Variants in DNM3 observed in about 807,000 individuals in gnomAD.
DNM3 encodes the protein dynamin 3.
In DNM3, 47 loss-of-function variants were observed where a neutral mutation model predicts 101.6. The ratio of observed to expected loss-of-function variants is 0.46; its 90% CI spans 0.37 to 0.59. The LOEUF is 0.59. Ranked by LOEUF, DNM3 falls within the 20% of genes least tolerant of loss-of-function variation. DNM3 has a pLI of 0.00. For missense variants in DNM3, 849 were observed against 1,085.7 expected, an observed-to-expected ratio of 0.78 and a Z score of 3.06; for synonymous variants, 385 against 387.9, an observed-to-expected ratio of 0.99 and a Z score of 0.09.
At chr1:172,295,359 T>C (rs535029959) in intron 15 of DNM3, among the ~76,000 whole-genome samples, 252 of 152,308 alleles carry the variant, frequency 1.7e-3, no homozygotes, top group African/African-American at 5.6e-3. Flanking sequence ...ATCTAATAAA[T>C]GCTTAAATAT....
At chr1:171,959,936 G>C (rs750381369) in intron 2 of DNM3, among the ~76,000 whole-genome samples, 2 of 152,130 alleles carry the variant, frequency 1.3e-5, no homozygotes, top group Non-Finnish European at 2.9e-5. Context: ...GGAGGGGGTA[G>C]AGGAATCTTT....
chr1:172,380,992 A>C (rs1394276615), intron 18 of DNM3: 1 of 151,662 alleles, frequency 6.6e-6, no homozygotes, highest in South Asian at 2.1e-4. Context: ...AAAAAAAAAA[A>C]AAACAAAAAA....
rs534024029 is a variant in DNM3 at position 172,389,597 on chromosome 1, T to C, written c.2522+788T>C. On this transcript the variant is annotated intron_variant, in intron 20 of 20. Transcript: ENST00000627582. ...AAGGTATAAAGTACTAAGGTTTTTT[T>C]CCCCCTCAAAATCAGAAATATAAAG... Among the ~76,000 whole-genome samples, 4 of 152,148 alleles carry C rather than the reference T, an allele frequency of 2.6e-5. No homozygotes were observed. In the East Asian group the frequency reaches 7.7e-4, roughly 29 times the overall value.
intron 2 of DNM3, among the ~76,000 whole-genome samples, chr1:171,950,032 A>T (rs1200549158): frequency 1.3e-5 from 2 of 152,196 alleles, no homozygotes; most frequent in East Asian, 3.8e-4. Flanking sequence ...CGAATGGACA[A>T]ACATATTGTG....
At chr1:172,057,719 G>C (rs536589096) in intron 10 of DNM3, among the ~76,000 whole-genome samples, 1 of 151,532 alleles carries the variant, frequency 6.6e-6, no homozygotes. Context: ...AGGAACAACC[G>C]GTACCAGCCG....
chr1:172,023,474 A>C (rs548519957), intron 4 of DNM3, among the ~76,000 whole-genome samples: 9 of 152,270 alleles, frequency 5.9e-5, no homozygotes, highest in African/African-American at 2.2e-4. Context: ...TTTCAAAAAC[A>C]TTGCTCTATT....
rs181290868 is a variant in DNM3 at position 172,141,398 on chromosome 1, G to A, written c.1659+10110G>A. On this transcript the variant is annotated intron_variant, in intron 14 of 20. Coordinates refer to ENST00000627582, the MANE Select transcript of DNM3 (RefSeq NM_015569.5). ...AGGATTTCTGAGTGATGGTCTCTTA[G>A]TTATTATTTTGACGTTATTGTGATG... is the stretch of plus-strand genomic sequence containing the variant. 2.2e-3 allele frequency among the ~76,000 whole-genome samples: 337 copies of A among 152,140 alleles called. 5 individuals are homozygous for A. Among genetic ancestry groups the A allele is most frequent in the Non-Finnish European group, 2.3e-3 (155 of 67,938 alleles).
At chr1:172,004,682 A>C (rs1313383073) in intron 4 of DNM3, among the ~76,000 whole-genome samples, 1 of 151,976 alleles carries the variant, frequency 6.6e-6, no homozygotes, top group African/African-American at 2.4e-5. Context: ...GGAGTAAGAA[A>C]AATTCTTTAA....
intron 1 of DNM3, among the ~76,000 whole-genome samples, chr1:171,907,908 A>G (rs1051977460): frequency 6.6e-6 from 1 of 152,236 alleles, no homozygotes; most frequent in Admixed American, 6.5e-5. Context: ...ATTGGAATAT[A>G]TCTAAAACAC....
At chr1:171,967,675 C>A (rs994098285) in intron 2 of DNM3, among the ~76,000 whole-genome samples, 1 of 152,148 alleles carries the variant, frequency 6.6e-6, no homozygotes, top group Non-Finnish European at 1.5e-5. Flanking sequence ...AGTCACTATG[C>A]CCAGACAGAC....
intron 1 of DNM3, among the ~76,000 whole-genome samples, chr1:171,883,618 C>T (rs1460563246): frequency 6.6e-6 from 1 of 151,914 alleles, no homozygotes; most frequent in Non-Finnish European, 1.5e-5. Context: ...ATTACAGGCA[C>T]ACACCACCAC....
intron 14 of DNM3, among the ~76,000 whole-genome samples, chr1:172,182,989 C>CA (rs918523694): frequency 6.6e-6 from 1 of 151,662 alleles, no homozygotes; most frequent in East Asian, 1.9e-4. Flanking sequence ...TAGTTTCTAT[C>CA]AAAAAAAATT....
chr1:172,239,516 A>G (rs1396075096), intron 14 of DNM3, among the ~76,000 whole-genome samples: 1 of 152,146 alleles, frequency 6.6e-6, no homozygotes, highest in Non-Finnish European at 1.5e-5. Flanking sequence ...GAAGGTTCAC[A>G]TAGCTAGTGT....
intron 10 of DNM3, among the ~76,000 whole-genome samples, chr1:172,052,965 A>G (rs894455950): frequency 5.9e-5 from 9 of 152,130 alleles, no homozygotes; most frequent in African/African-American, 2.2e-4. Context: ...TTAAGCCTGA[A>G]TTATTCCAGT....
chr1:172,260,434 G>A (rs756239207), intron 15 of DNM3, among the ~76,000 whole-genome samples: 4 of 150,994 alleles, frequency 2.6e-5, no homozygotes, highest in South Asian at 2.1e-4. Flanking sequence ...ATTTTTTTTC[G>A]TTGTTTCTTG....
chr1:172,085,466 C>G (rs192203551), intron 12 of DNM3, among the ~76,000 whole-genome samples: 1 of 152,132 alleles, frequency 6.6e-6, no homozygotes, highest in African/African-American at 2.4e-5. Context: ...ACACAATTTG[C>G]TTTCTGAGTT....
intron 13 of DNM3, among the ~76,000 whole-genome samples, chr1:172,103,204 A>T (rs902514420): frequency 6.6e-6 from 1 of 152,180 alleles, no homozygotes; most frequent in Non-Finnish European, 1.5e-5. Flanking sequence ...ACATGGGTAC[A>T]CACCCACCCA....
chr1:172,246,539 G>A (rs1159406073), intron 14 of DNM3, among the ~76,000 whole-genome samples: 1 of 152,154 alleles, frequency 6.6e-6, no homozygotes, highest in African/African-American at 2.4e-5. Flanking sequence ...AAGCAGAGTG[G>A]CAAATAGGCA....
chr1:172,030,599 C>T (rs577131715), intron 4 of DNM3, among the ~76,000 whole-genome samples: 8 of 152,258 alleles, frequency 5.3e-5, no homozygotes, highest in African/African-American at 1.9e-4. Flanking sequence ...AAACTATCAT[C>T]AGAGTGAACA....
Sources: gnomAD v4.1 joint callset for allele counts (sites outside exome capture counted in the v4.1 genomes callset) on GRCh38, gnomAD v4.1.1 for gene constraint, MANE v1.5 for transcripts, NCBI Gene and HGNC (gene_info 2026-07-23, HGNC 2026-07-21) for gene names.